C1orf21: variants seen among roughly 807,000 people sequenced by gnomAD.
C1orf21 encodes the protein chromosome 1 open reading frame 21.
In C1orf21, 3 loss-of-function variants were observed where a neutral mutation model predicts 18.7. The ratio of observed to expected loss-of-function variants is 0.16; its 90% CI spans 0.07 to 0.42. The LOEUF (loss-of-function observed/expected upper bound fraction) is 0.42, where lower values mean the gene tolerates loss of function less well. Among genes scored for constraint, C1orf21 ranks in the 10% least tolerant of loss-of-function variants. C1orf21 has a pLI of 0.99. For missense variants in C1orf21, 104 were observed against 143.6 expected, an observed-to-expected ratio of 0.72 and a Z score of 1.41; for synonymous variants, 41 against 46.4, an observed-to-expected ratio of 0.88 and a Z score of 0.47.
chr1:184,482,716 ATGTGTCTCTGAG>A (rs1020815383), intron 2 of C1orf21, among the ~76,000 whole-genome samples: 2 of 152,214 alleles, frequency 1.3e-5, no homozygotes, highest in African/African-American at 4.8e-5. Flanking sequence ...GCTCTGAAGT[ATGTGTCTCTGAG>A]TGTGTGTACA....
rs1658011023 is a variant in C1orf21, at chr1:184,503,736, A to T, written c.95-3852A>T. On this transcript the variant is annotated intron_variant, in intron 2 of 5. Transcript: ENST00000235307. ...GACCTATTGCTAGCTACAAAACTAG[A>T]ACTCGTGGGTCAGACCCCATTCCTT... is the stretch of plus-strand genomic sequence containing the variant. Among the ~76,000 whole-genome samples, 3 of 152,210 alleles carry T rather than the reference A, an allele frequency of 2.0e-5. No individual in the cohort carries two copies. The South Asian group carries it at 6.2e-4, about 32-fold the overall frequency.
At chr1:184,473,890 A>C (rs1217965425) in intron 1 of C1orf21, among the ~76,000 whole-genome samples, 1 of 152,216 alleles carries the variant, frequency 6.6e-6, no homozygotes, top group African/African-American at 2.4e-5. Context: ...GAAGAAAAAC[A>C]TATATCTTGC....
intron 5 of C1orf21, among the ~76,000 whole-genome samples, chr1:184,599,819 G>A (rs1659563367): frequency 6.6e-6 from 1 of 152,168 alleles, no homozygotes; most frequent in Non-Finnish European, 1.5e-5. Flanking sequence ...AACTTTTTGA[G>A]TGCAGACATG....
At chr1:184,492,910 G>T (rs949424892) in intron 2 of C1orf21, among the ~76,000 whole-genome samples, 1 of 152,136 alleles carries the variant, frequency 6.6e-6, no homozygotes, top group Admixed American at 6.5e-5. Flanking sequence ...AATTTCCCAG[G>T]TTGCTGATTT....
At chr1:184,516,013 A>G (rs1658220112) in intron 3 of C1orf21, among the ~76,000 whole-genome samples, 2 of 152,096 alleles carry the variant, frequency 1.3e-5, no homozygotes, top group South Asian at 4.1e-4. Context: ...GGGTTTCACT[A>G]TGATGGCCAG....
intron 2 of C1orf21, among the ~76,000 whole-genome samples, chr1:184,493,589 T>C (rs1249731709): frequency 2.0e-5 from 3 of 152,246 alleles, no homozygotes; most frequent in Admixed American, 6.5e-5. Flanking sequence ...TGTATAAATG[T>C]CACTGTTGAT....
chr1:184,567,355 T>C (rs1659048552), intron 3 of C1orf21: 1 of 480,356 alleles, frequency 2.1e-6, no homozygotes, highest in Non-Finnish European at 4.2e-6. Flanking sequence ...GTTTCAGCCA[T>C]CATCAGTCCA....
In C1orf21 at chr1:184,598,118, A is replaced by G. The variant is rs142037399; in HGVS notation, c.267-283A>G. ...TAAATCACAAATGTGTATCTGAAGA[A>G]ACAATTTGGCATTCAGCTCCTAGTA... On this transcript the variant is annotated intron_variant, in intron 4 of 5. Transcript: ENST00000235307. 4.2e-3 allele frequency among the ~76,000 whole-genome samples: 640 copies of G among 152,200 alleles called. 10 individuals are homozygous for G. Among genetic ancestry groups the G allele is most frequent in the African/African-American group, 0.015 (610 of 41,526 alleles).
At chr1:184,411,466 G>A (rs1345503243) in intron 1 of C1orf21, among the ~76,000 whole-genome samples, 1 of 139,572 alleles carries the variant, frequency 7.2e-6, no homozygotes, top group African/African-American at 2.7e-5. Flanking sequence ...CTGTCGCCCA[G>A]GCTGGAGTGC....
At chr1:184,617,674 A>T (rs1659849375) in intron 5 of C1orf21, among the ~76,000 whole-genome samples, 1 of 152,058 alleles carries the variant, frequency 6.6e-6, no homozygotes, top group Non-Finnish European at 1.5e-5. Flanking sequence ...TGCTCAGGAG[A>T]GGTTTTGTGC....
chr1:184,520,901 C>G (rs1301732297), intron 3 of C1orf21, among the ~76,000 whole-genome samples: 2 of 151,538 alleles, frequency 1.3e-5, no homozygotes, highest in Non-Finnish European at 2.9e-5. Context: ...AGAAATATAA[C>G]TTTTTTTTTG....
intron 3 of C1orf21, chr1:184,568,619 A>G (rs1193647519): frequency 3.5e-6 from 1 of 289,424 alleles, no homozygotes; most frequent in Non-Finnish European, 6.8e-6. Context: ...AAGTAACTTA[A>G]AACCTATTTT....
intron 1 of C1orf21, among the ~76,000 whole-genome samples, chr1:184,429,986 C>T (rs960352737): frequency 6.6e-6 from 1 of 151,874 alleles, no homozygotes; most frequent in African/African-American, 2.4e-5. Context: ...GTGGTGGGTG[C>T]CTGTAGTCCC....
chr1:184,402,425 A>G (rs971539352), intron 1 of C1orf21, among the ~76,000 whole-genome samples: 53 of 152,294 alleles, frequency 3.5e-4, no homozygotes, highest in African/African-American at 1.2e-3. Context: ...ATTTGAGACC[A>G]GCCAGGGCAA....
rs147181397 is a variant in C1orf21, at chr1:184,500,741, C to T, written c.95-6847C>T. Among the ~76,000 whole-genome samples the T allele has an allele frequency of 6.6e-3, 1,007 of 152,280 alleles. 7 individuals are homozygous for T. The highest frequency in any genetic ancestry group is 0.011 in the Non-Finnish European group (723 of 68,030). On this transcript the variant is annotated intron_variant, in intron 2 of 5. Transcript: ENST00000235307. The stretch of plus-strand genomic sequence containing the variant: ...CAGTTAAAGGAGAAGGAGCTGGGAT[C>T]ATGATTCAGTGGCATTCTCTTTTTC...
intron 3 of C1orf21, among the ~76,000 whole-genome samples, chr1:184,544,896 C>G (rs1263207085): frequency 6.6e-6 from 1 of 152,202 alleles, no homozygotes; most frequent in African/African-American, 2.4e-5. Context: ...CCACCTGGAC[C>G]TTCCGTGGGT....
intron 1 of C1orf21, among the ~76,000 whole-genome samples, chr1:184,426,996 A>G (rs950564525): frequency 1.3e-5 from 2 of 152,146 alleles, no homozygotes; most frequent in African/African-American, 2.4e-5. Flanking sequence ...AGCACAGCCA[A>G]TGGAGAGGAT....
chr1:184,567,534 T>A (rs1411927770), intron 3 of C1orf21: 1 of 523,188 alleles, frequency 1.9e-6, no homozygotes, highest in Non-Finnish European at 3.8e-6. Context: ...CTCCTTGACA[T>A]CTGCTGTGGA....
intron 1 of C1orf21, among the ~76,000 whole-genome samples, chr1:184,438,559 A>G (rs1292303616): frequency 6.6e-6 from 1 of 152,138 alleles, no homozygotes; most frequent in Admixed American, 6.5e-5. Flanking sequence ...GTAAATAGAC[A>G]AGGTTGCTCA....
Sources: allele counts gnomAD v4.1 joint callset (sites outside exome capture counted in the v4.1 genomes callset), GRCh38; gene constraint gnomAD v4.1.1; transcripts MANE v1.5; gene names NCBI Gene and HGNC (gene_info 2026-07-23, HGNC 2026-07-21).